Variants in FRMPD4 observed in about 807,000 individuals in gnomAD.
FRMPD4 encodes FERM and PDZ domain-containing protein 4.
A neutral mutation model predicts 94.1 loss-of-function variants in FRMPD4; 22 were observed. The observed-to-expected ratio is 0.23, with a 90% CI of 0.17 to 0.33. The LOEUF (loss-of-function observed/expected upper bound fraction) is 0.33. Among genes scored for constraint, FRMPD4 ranks in the 10% least tolerant of loss-of-function variants. The pLI is 1.00. For missense variants in FRMPD4, 1,111 were observed against 1,339.9 expected, an observed-to-expected ratio of 0.83 and a Z score of 2.67; for synonymous variants, 631 against 548.6, an observed-to-expected ratio of 1.15 and a Z score of -2.10.
intron 4 of FRMPD4, among the ~76,000 whole-genome samples, chrX:12,639,018 G>T (rs752245065): frequency 9.0e-6 from 1 of 111,682 alleles, no homozygotes; most frequent in African/African-American, 3.3e-5. Context: ...GGTTCTTCTG[G>T]TCTCCAAGTC....
intron 1 of FRMPD4, among the ~76,000 whole-genome samples, chrX:11,843,367 T>G (rs1383347593): frequency 9.0e-6 from 1 of 111,417 alleles, no homozygotes; most frequent in Non-Finnish European, 1.9e-5. Flanking sequence ...GTATATCTCC[T>G]TTTCCTACTC....
chrX:11,867,629 C>T (rs1373933484), intron 2 of FRMPD4, among the ~76,000 whole-genome samples: 2 of 111,739 alleles, frequency 1.8e-5, no homozygotes, highest in Non-Finnish European at 3.8e-5. Flanking sequence ...ACAAAAAATA[C>T]ATTTAAATAA....
chrX:12,513,565 CA>C (rs2058066149), intron 2 of FRMPD4, among the ~76,000 whole-genome samples: 1 of 111,713 alleles, frequency 9.0e-6, no homozygotes. Context: ...TATTCTGTTC[CA>C]TTGGTCTATG....
At chrX:12,380,763 T>C (rs1160231022) in intron 1 of FRMPD4, among the ~76,000 whole-genome samples, 1 of 112,231 alleles carries the variant, frequency 8.9e-6, no homozygotes, top group Non-Finnish European at 1.9e-5. Context: ...GCAATTGTGA[T>C]ATCTTATATT....
intron 1 of FRMPD4, among the ~76,000 whole-genome samples, chrX:12,482,599 G>T (rs1472266867): frequency 2.7e-5 from 3 of 111,825 alleles, no homozygotes; most frequent in South Asian, 7.5e-4. Context: ...TGCCCCAAGG[G>T]TATAGAAGAG....
chrX:11,850,437 A>G (rs1158811334), intron 1 of FRMPD4, among the ~76,000 whole-genome samples: 1 of 112,274 alleles, frequency 8.9e-6, no homozygotes, highest in African/African-American at 3.2e-5. Flanking sequence ...TGTCTAGCAA[A>G]TCTACTTCGG....
chrX:11,901,087 C>G (rs931408954), intron 3 of FRMPD4, among the ~76,000 whole-genome samples: 21 of 111,708 alleles, frequency 1.9e-4, no homozygotes, highest in African/African-American at 5.5e-4. Context: ...CTACTTGTCC[C>G]TAATTTGTGT....
At chrX:12,247,589 G>A (rs1487599745) in intron 1 of FRMPD4, among the ~76,000 whole-genome samples, 1 of 111,916 alleles carries the variant, frequency 8.9e-6, no homozygotes, top group Non-Finnish European at 1.9e-5. Flanking sequence ...GTCTCATTGT[G>A]TTGCCCAGGC....
chrX:12,673,146 A>T (rs1315068853), intron 4 of FRMPD4, among the ~76,000 whole-genome samples: 1 of 111,573 alleles, frequency 9.0e-6, no homozygotes, highest in African/African-American at 3.3e-5. Context: ...GCTCCTGAGG[A>T]CTCTGGGATC....
At position 12,688,059 on chromosome X, in the gene FRMPD4, GA is replaced by G. The variant is rs751714457; in HGVS notation, c.681+1860del. On this transcript the variant is annotated intron_variant, in intron 7 of 16. Coordinates refer to ENST00000675598, the MANE Select transcript of FRMPD4 (RefSeq NM_001368397.1). ...TACAGGTTACTTCCTAAGAGTGGGAGAAAAAGAGCAAATTTTTCTTTAGGCA... is the reference window on the plus strand; with the variant it reads ...TACAGGTTACTTCCTAAGAGTGGGAGAAAAGAGCAAATTTTTCTTTAGGCA... 7.3e-4 allele frequency among the ~76,000 whole-genome samples: 82 copies of G among 112,362 alleles called. 1 individual carries two copies. The highest frequency in any genetic ancestry group is 2.6e-3 in the African/African-American group (81 of 31,000).
chrX:12,166,512 C>CT (rs961525964), intron 1 of FRMPD4, among the ~76,000 whole-genome samples: 11 of 111,173 alleles, frequency 9.9e-5, no homozygotes, highest in Non-Finnish European at 1.5e-4. Flanking sequence ...CTAAAATTCT[C>CT]TTTTTTTGTT....
intron 3 of FRMPD4, among the ~76,000 whole-genome samples, chrX:12,082,969 C>A (rs2055074321): frequency 8.9e-6 from 1 of 112,393 alleles, no homozygotes; most frequent in Non-Finnish European, 1.9e-5. Context: ...CATAAAAATT[C>A]AGAAAATTTG....
At chrX:12,450,882 A>G (rs868601057) in intron 1 of FRMPD4, among the ~76,000 whole-genome samples, 45 of 107,118 alleles carry the variant, frequency 4.2e-4, no homozygotes, top group African/African-American at 7.3e-4. Flanking sequence ...AAAAAAAAAA[A>G]AGAGAGAGAG....
At chrX:12,165,001 T>C (rs370070323) in intron 1 of FRMPD4, among the ~76,000 whole-genome samples, 145 of 106,747 alleles carry the variant, frequency 1.4e-3, no homozygotes, top group Admixed American at 4.5e-3. Flanking sequence ...CTGTAGGTTG[T>C]CTGTTCACTC....
intron 1 of FRMPD4, among the ~76,000 whole-genome samples, chrX:12,451,974 T>C (rs371360705): frequency 9.0e-6 from 1 of 110,839 alleles, no homozygotes; most frequent in East Asian, 2.8e-4. Flanking sequence ...CTAATACTTA[T>C]ACTATGAGAC....
chrX:12,361,248 AAAG>A (rs2055985070), intron 1 of FRMPD4, among the ~76,000 whole-genome samples: 1 of 112,669 alleles, frequency 8.9e-6, no homozygotes, highest in African/African-American at 3.2e-5. Flanking sequence ...GGTACATTTC[AAAG>A]AATACTTCTG....
At chrX:11,934,090 A>G (rs759339342) in intron 3 of FRMPD4, among the ~76,000 whole-genome samples, 1 of 112,357 alleles carries the variant, frequency 8.9e-6, no homozygotes, top group African/African-American at 3.2e-5. Context: ...CTACTGCCGC[A>G]TAATCTCAGT....
intron 2 of FRMPD4, among the ~76,000 whole-genome samples, chrX:12,524,972 T>C: frequency 9.0e-6 from 1 of 111,579 alleles, no homozygotes; most frequent in South Asian, 3.8e-4. Context: ...TTGTTTTGTT[T>C]TTAGCTCATC....
chrX:12,315,417 A>G (rs1311952951), intron 1 of FRMPD4, among the ~76,000 whole-genome samples: 2 of 111,940 alleles, frequency 1.8e-5, no homozygotes, highest in African/African-American at 6.5e-5. Context: ...TATGTGTCCA[A>G]ATGTGAATGA....
Sources: allele counts gnomAD v4.1 joint callset (sites outside exome capture counted in the v4.1 genomes callset), GRCh38; gene constraint gnomAD v4.1.1; transcripts MANE v1.5; gene names NCBI Gene and HGNC (gene_info 2026-07-23, HGNC 2026-07-21).